Variants in EPHA3 observed in about 807,000 individuals in gnomAD.
The protein encoded by EPHA3 is EPH receptor A3.
Under a neutral mutation model 107.1 loss-of-function variants are expected in EPHA3, and 42 were observed. The ratio of observed to expected loss-of-function variants is 0.39; its 90% CI spans 0.31 to 0.51. The LOEUF is 0.51. Ranked by LOEUF, EPHA3 falls within the 20% of genes least tolerant of loss-of-function variation. EPHA3 has a pLI of 0.78. For missense variants in EPHA3, 1,183 were observed against 1,211.2 expected (o/e 0.98, Z 0.35); for synonymous variants, 461 against 424.8 (o/e 1.09, Z -1.05).
intron 2 of EPHA3, among the ~76,000 whole-genome samples, chr3:89,186,405 C>T (rs1705570039): frequency 6.6e-6 from 1 of 152,026 alleles, no homozygotes; most frequent in South Asian, 2.1e-4. Context: ...AAGTTTACAA[C>T]TCACCTATAG....
At chr3:89,434,729 T>C (rs114974989) in intron 13 of EPHA3, among the ~76,000 whole-genome samples, 2,041 of 152,286 alleles carry the variant, frequency 0.013, 51 homozygotes, top group African/African-American at 0.047. Flanking sequence ...AGAAGAAAAG[T>C]GTCGTATGGA....
intron 9 of EPHA3, 24 bp from the exon 10 acceptor site, chr3:89,413,117 G>A (rs542906772): frequency 2.2e-4 from 360 of 1,609,098 alleles, no homozygotes; most frequent in Non-Finnish European, 2.8e-4. Flanking sequence ...CTACAATTGC[G>A]CCTTTCTTTC....
intron 13 of EPHA3, among the ~76,000 whole-genome samples, chr3:89,447,951 T>C (rs942685483): frequency 6.6e-5 from 10 of 152,180 alleles, no homozygotes; most frequent in African/African-American, 2.4e-4. Flanking sequence ...CGGTCACATT[T>C]TGACGAACAC....
chr3:89,380,771 CTTT>C (rs11294288), intron 5 of EPHA3, among the ~76,000 whole-genome samples: 152 of 135,518 alleles, frequency 1.1e-3, no homozygotes, highest in Middle Eastern at 7.9e-3. Context: ...TAGGTAGTAG[CTTT>C]TTTTTTTTTT....
intron 2 of EPHA3, among the ~76,000 whole-genome samples, chr3:89,128,124 C>A (rs988922635): frequency 6.6e-6 from 1 of 152,048 alleles, no homozygotes; most frequent in Admixed American, 6.6e-5. Context: ...CTATGATAGT[C>A]GTCTTTTCAA....
chr3:89,328,170 G>A (rs1234850314), intron 3 of EPHA3, among the ~76,000 whole-genome samples: 1 of 151,982 alleles, frequency 6.6e-6, no homozygotes, highest in African/African-American at 2.4e-5. Context: ...ACTTTATTCT[G>A]TCAGACGTTA....
chr3:89,448,385 G>A (rs1359378987), intron 13 of EPHA3, among the ~76,000 whole-genome samples: 1 of 151,960 alleles, frequency 6.6e-6, no homozygotes, highest in South Asian at 2.1e-4. Flanking sequence ...TGACACTTAC[G>A]AAACAAAAGA....
chr3:89,357,409 G>A (rs1707990068), intron 5 of EPHA3, among the ~76,000 whole-genome samples: 1 of 150,900 alleles, frequency 6.6e-6, no homozygotes, highest in African/African-American at 2.4e-5. Context: ...GAGAATGTCA[G>A]ATGACCCCAA....
At chr3:89,381,046 CA>C (rs1708494491) in intron 5 of EPHA3, among the ~76,000 whole-genome samples, 1 of 152,098 alleles carries the variant, frequency 6.6e-6, no homozygotes, top group African/African-American at 2.4e-5. Flanking sequence ...CATCTCGGCT[CA>C]CTGCAAGCTC....
At chr3:89,116,312 T>C (rs1707252055) in intron 1 of EPHA3, among the ~76,000 whole-genome samples, 1 of 152,116 alleles carries the variant, frequency 6.6e-6, no homozygotes, top group Admixed American at 6.5e-5. Flanking sequence ...GAAGTGTGAA[T>C]TAACAATTGG....
intron 3 of EPHA3, among the ~76,000 whole-genome samples, chr3:89,262,326 TC>T (rs1705435578): frequency 1.3e-5 from 2 of 152,162 alleles, no homozygotes; most frequent in African/African-American, 2.4e-5. Context: ...AGGCTAGAAG[TC>T]TGGAATCAAA....
At chr3:89,187,809 AG>A in intron 2 of EPHA3, among the ~76,000 whole-genome samples, 1 of 152,320 alleles carries the variant, frequency 6.6e-6, no homozygotes, top group Non-Finnish European at 1.5e-5. Flanking sequence ...ATAGCTTTGT[AG>A]GAACACTTCA....
At position 89,419,177 on chromosome 3, in the gene EPHA3, A is replaced by C. The variant is rs899324800; in HGVS notation, c.1889-28A>C. ...GAATTTTTATTATAGAATTCCTTAC[A>C]TTTTGTTGCTGTTCTGCTTTATAAC... On this transcript the variant is annotated intron_variant, in intron 10 of 16. Transcript: ENST00000336596. 6 of 1,538,618 alleles carry C rather than the reference A, an allele frequency of 3.9e-6. No homozygotes were observed. The African/African-American group carries it at 8.4e-5, about 22-fold the overall frequency.
intron 3 of EPHA3, among the ~76,000 whole-genome samples, chr3:89,308,538 T>C (rs1290774176): frequency 6.6e-6 from 1 of 151,770 alleles, no homozygotes; most frequent in East Asian, 1.9e-4. Flanking sequence ...AGAATTCTGC[T>C]TGCACAAGTT....
Position 89,367,233 on chromosome 3 carries a change from C to G in EPHA3, c.1306+25143C>G, listed in dbSNP as rs778597080. 2.0e-5 allele frequency among the ~76,000 whole-genome samples: 3 copies of G among 150,752 alleles called. 1 individual carries two copies. Among genetic ancestry groups the G allele is most frequent in the Non-Finnish European group, 4.5e-5 (3 of 67,272 alleles). On this transcript the variant is annotated intron_variant, in intron 5 of 16. Transcript: ENST00000336596. ...TGCATAAACTCGCTACAGGTTCATG[C>G]CTTTTAAAATCTATTTATATACACG...
At chr3:89,178,653 TTTA>T (rs1705369836) in intron 2 of EPHA3, among the ~76,000 whole-genome samples, 3 of 152,066 alleles carry the variant, frequency 2.0e-5, no homozygotes, top group South Asian at 4.1e-4. Context: ...CCTTTTCTGT[TTTA>T]TTATTAATTC....
chr3:89,330,190 C>T (rs1272546316), intron 3 of EPHA3, among the ~76,000 whole-genome samples: 1 of 151,594 alleles, frequency 6.6e-6, no homozygotes, highest in Admixed American at 6.6e-5. Context: ...AAGTAGAAAC[C>T]CCCTTTCCAT....
chr3:89,163,429 T>G (rs1704992910), intron 2 of EPHA3, among the ~76,000 whole-genome samples: 1 of 151,066 alleles, frequency 6.6e-6, no homozygotes, highest in Non-Finnish European at 1.5e-5. Flanking sequence ...CCAGAACATC[T>G]CATTTATGTT....
chr3:89,320,840 T>C (rs1707025689), intron 3 of EPHA3, among the ~76,000 whole-genome samples: 1 of 152,070 alleles, frequency 6.6e-6, no homozygotes, highest in African/African-American at 2.4e-5. Flanking sequence ...GAGTATGTAA[T>C]GATCTATCTC....
Sources: gnomAD v4.1 joint callset for allele counts (sites outside exome capture counted in the v4.1 genomes callset) on GRCh38, gnomAD v4.1.1 for gene constraint, MANE v1.5 for transcripts, NCBI Gene and HGNC (gene_info 2026-07-23, HGNC 2026-07-21) for gene names.